Variants in PDLIM7 observed in about 807,000 individuals in gnomAD.
PDLIM7 encodes PDZ and LIM domain protein 7.
In PDLIM7, 37 loss-of-function variants were observed where a neutral mutation model predicts 53.9. That is an observed-to-expected ratio of 0.69 (90% CI 0.53 to 0.90). PDLIM7 has a LOEUF of 0.90. PDLIM7 is among the 40% of genes least tolerant of loss of function. The probability of loss-of-function intolerance (pLI) is 0.00; values close to 1 mark genes in which losing one functional copy is unlikely to be tolerated. For missense variants in PDLIM7, 617 were observed against 638.5 expected (o/e 0.97, Z 0.36); for synonymous variants, 300 against 261.3 (o/e 1.15, Z -1.43).
At position 177,489,375 on chromosome 5, in the gene PDLIM7, C is replaced by A; in HGVS notation, c.869+18G>T. On this transcript the variant is annotated intron_variant, in intron 9 of 12. Coordinates refer to ENST00000355841, the MANE Select transcript of PDLIM7 (RefSeq NM_005451.5). ...GCAGGATGGGAAAGCCAGGGTCGGACAGGAACAGGCCACCCACCGGATGAC... is the reference window on the plus strand; with the variant it reads ...GCAGGATGGGAAAGCCAGGGTCGGAAAGGAACAGGCCACCCACCGGATGAC... 3 of 1,526,460 alleles carry A rather than the reference C, an allele frequency of 2.0e-6. No individual in the cohort carries two copies. Among genetic ancestry groups the A allele is most frequent in the Admixed American group, 2.0e-5 (1 of 51,180 alleles). 94.6% of individuals were successfully genotyped at this position (1,526,460 alleles called of 1,614,324 possible).
In PDLIM7 at chr5:177,496,535, G is replaced by A. The variant is rs1296196460; in HGVS notation, c.-11-12C>T. Reference sequence around the variant, plus strand: ...CATGATGCCGGCTCCTGAGAGGAGAGAAGAGAAGGTGAGTGGCCAGCATGG... The same window carrying A: ...CATGATGCCGGCTCCTGAGAGGAGAAAAGAGAAGGTGAGTGGCCAGCATGG... On this transcript the variant is annotated splice_polypyrimidine_tract_variant and intron_variant, in intron 1 of 12. Transcript: ENST00000355841. 6.4e-6 allele frequency: 10 copies of A among 1,556,730 alleles called. No homozygotes were observed. Among genetic ancestry groups the A allele is most frequent in the Non-Finnish European group, 7.8e-6 (9 of 1,148,478 alleles).
Position 177,497,578 on chromosome 5 carries a change from G to C in PDLIM7, c.-62C>G, listed in dbSNP as rs562623076. The C allele has an allele frequency of 9.8e-5, 15 of 152,392 alleles. No homozygotes were observed. The highest frequency in any genetic ancestry group is 3.4e-4 in the African/African-American group (14 of 41,572). 9.4% of individuals were successfully genotyped at this position (152,392 alleles called of 1,614,324 possible). A position where few individuals can be genotyped will look rare whatever the true frequency, so the allele number is the denominator to read the frequency against. On this transcript the variant is annotated 5_prime_UTR_variant, in exon 1 of 13. Coordinates refer to ENST00000355841, the MANE Select transcript of PDLIM7 (RefSeq NM_005451.5). ...TCTGCGTCGGGCTCCAGGGAGCCTC[G>C]TTGGGATCGGCCGCCAGTGTTCTGA...
chr5:177,484,354 T>C (rs1758333946), intron 10 of PDLIM7, 164 bp from the exon 11 acceptor site: 2 of 786,442 alleles, frequency 2.5e-6, no homozygotes, highest in Non-Finnish European at 4.0e-6. Context: ...CCAAGGTCTC[T>C]GAGTGGACGA....
chr5:177,492,107 G>T (rs984236713), intron 4 of PDLIM7, 182 bp from the exon 5 acceptor site: 1 of 510,070 alleles, frequency 2.0e-6, no homozygotes, highest in Non-Finnish European at 3.4e-6. Flanking sequence ...CCATTTGGGA[G>T]TGGCGATCTC....
At chr5:177,488,879 G>A (rs930104639) in intron 9 of PDLIM7, among the ~76,000 whole-genome samples, 7 of 149,972 alleles carry the variant, frequency 4.7e-5, no homozygotes, top group African/African-American at 1.7e-4. Flanking sequence ...AACACAGTGA[G>A]ACTCTGTTTC....
rs531495255 is a variant in PDLIM7 at position 177,492,136 on chromosome 5, G to A, written c.280-211C>T. 3.8e-5 allele frequency: 23 copies of A among 598,216 alleles called. 2 individuals are homozygous for A. In the South Asian group the frequency reaches 4.5e-4, roughly 12 times the overall value. 37.1% of individuals were successfully genotyped at this position (598,216 alleles called of 1,614,324 possible). A position where few individuals can be genotyped will look rare whatever the true frequency, so the allele number is the denominator to read the frequency against. ...CGATCTCAGTCCACGCAGGACCGAG[G>A]GCTGACCGAGTGCGGGCGAGCACGC... On this transcript the variant is annotated intron_variant, in intron 4 of 12. Transcript: ENST00000355841.
In PDLIM7 at chr5:177,486,903, T is replaced by G. The variant is rs1413197240; in HGVS notation, c.1050+1165A>C. On this transcript the variant is annotated intron_variant, in intron 10 of 12. Coordinates refer to ENST00000355841, the MANE Select transcript of PDLIM7 (RefSeq NM_005451.5). ...ATCTCGGCCTCCCAAAGTGCTGGGATTACAGGTGTGAGCCACCGTGCCTGG... is the reference window on the plus strand; with the variant it reads ...ATCTCGGCCTCCCAAAGTGCTGGGAGTACAGGTGTGAGCCACCGTGCCTGG... Among the ~76,000 whole-genome samples, 4 of 145,824 alleles carry G rather than the reference T, an allele frequency of 2.7e-5. 1 individual carries two copies. In the East Asian group the frequency reaches 6.2e-4, roughly 23 times the overall value.
intron 2 of PDLIM7, among the ~76,000 whole-genome samples, chr5:177,496,022 C>T (rs1759052741): frequency 6.6e-6 from 1 of 152,098 alleles, no homozygotes; most frequent in Non-Finnish European, 1.5e-5. Context: ...TTGCTATTCC[C>T]TGGGCGGCAG....
chr5:177,487,311 G>A (rs1758515684), intron 10 of PDLIM7, among the ~76,000 whole-genome samples: 1 of 152,232 alleles, frequency 6.6e-6, no homozygotes, highest in Admixed American at 6.5e-5. Flanking sequence ...ATATTTCCCA[G>A]CCTCCGTTGC....
At chr5:177,486,931 C>CTTTTTTTTTT (rs60583245) in intron 10 of PDLIM7, among the ~76,000 whole-genome samples, 2 of 48,730 alleles carry the variant, frequency 4.1e-5, no homozygotes, top group African/African-American at 1.4e-4. Context: ...GTGCCTGGCC[C>CTTTTTTTTTT]TTTTTTTTTT....
At position 177,483,636 on chromosome 5, in the gene PDLIM7, G is replaced by A. The variant is rs1758293640; in HGVS notation, c.*8C>T. The A allele has an allele frequency of 1.3e-6, 2 of 1,597,992 alleles. No homozygotes were observed. Among genetic ancestry groups the A allele is most frequent in the South Asian group, 1.1e-5 (1 of 90,722 alleles). ...GGGGCCACCGCGGCAGCTGTGGGCA[G>A]AAGGGGCTCACACATGAGAGAAGGC... On this transcript the variant is annotated 3_prime_UTR_variant, in exon 13 of 13. Transcript: ENST00000355841.
intron 10 of PDLIM7, chr5:177,484,842 G>C (rs1758358699): frequency 6.5e-6 from 1 of 154,696 alleles, no homozygotes; most frequent in South Asian, 2.0e-4. Context: ...TTCTCACCTT[G>C]CCTCTGCACA....
intron 10 of PDLIM7, among the ~76,000 whole-genome samples, chr5:177,486,931 CTTTTTTTTTTTTTTTTTTTTT>C (rs60583245): frequency 1.4e-4 from 7 of 48,730 alleles, no homozygotes; most frequent in East Asian, 6.8e-4. Flanking sequence ...GTGCCTGGCC[CTTTTTTTTTTTTTTTTTTTTT>C]TTTTTTTTTT....
At chr5:177,491,177 A>G in intron 5 of PDLIM7, 31 bp from the exon 6 acceptor site, 1 of 1,535,502 alleles carries the variant, frequency 6.5e-7, no homozygotes, top group South Asian at 1.2e-5. Context: ...AGAACCCCAC[A>G]CTGGGGGTGG....
intron 4 of PDLIM7, 159 bp from the exon 5 acceptor site, chr5:177,492,084 G>A: frequency 2.2e-6 from 1 of 448,134 alleles, no homozygotes; most frequent in Non-Finnish European, 3.9e-6. Context: ...GGACGACTCA[G>A]GTTTCAAGGG....
intron 10 of PDLIM7, among the ~76,000 whole-genome samples, chr5:177,485,401 C>A (rs1758389188): frequency 6.6e-6 from 1 of 152,208 alleles, no homozygotes; most frequent in South Asian, 2.1e-4. Flanking sequence ...CTGGAGCAGG[C>A]AGAGGGCAGC....
chr5:177,486,876 C>T (rs1758483187), intron 10 of PDLIM7, among the ~76,000 whole-genome samples: 1 of 150,058 alleles, frequency 6.7e-6, no homozygotes, highest in South Asian at 2.1e-4. Flanking sequence ...CGTGATCCGC[C>T]CATCTCGGCC....
chr5:177,484,541 GC>G (rs1297156704), intron 10 of PDLIM7: 5 of 263,646 alleles, frequency 1.9e-5, no homozygotes, highest in African/African-American at 1.1e-4. Context: ...ATCCAGTGGG[GC>G]CCACCCCCAA....
intron 2 of PDLIM7, 87 bp from the exon 3 acceptor site, chr5:177,492,764 C>G: frequency 7.0e-7 from 1 of 1,432,392 alleles, no homozygotes; most frequent in Non-Finnish European, 9.6e-7. Context: ...CCACCCAAAG[C>G]TGTCCCACTT....
Sources: allele counts gnomAD v4.1 joint callset (sites outside exome capture counted in the v4.1 genomes callset), GRCh38; gene constraint gnomAD v4.1.1; transcripts MANE v1.5; gene names NCBI Gene and HGNC (gene_info 2026-07-23, HGNC 2026-07-21).